HDAC9: variants seen among roughly 807,000 people sequenced by gnomAD.
The protein encoded by HDAC9 is MEF-2 interacting transcription repressor (MITR) protein.
Under a neutral mutation model 139.4 loss-of-function variants are expected in HDAC9, and 41 were observed. The ratio of observed to expected loss-of-function variants is 0.29; its 90% CI spans 0.23 to 0.38. The LOEUF (loss-of-function observed/expected upper bound fraction) is 0.38. Ranked by LOEUF, HDAC9 falls within the 10% of genes least tolerant of loss-of-function variation. The probability of loss-of-function intolerance (pLI) is 1.00; values close to 1 mark genes in which losing one functional copy is unlikely to be tolerated. For synonymous variants in HDAC9, 517 were observed against 476.2 expected (o/e 1.09, Z -1.12); for missense variants, 1,147 against 1,297.0 (o/e 0.88, Z 1.78).
rs146110721 is a variant in HDAC9 at position 18,601,031 on chromosome 7, T to G, written c.664+7002T>G. Among the ~76,000 whole-genome samples the G allele has an allele frequency of 4.3e-3, 662 of 152,272 alleles. 3 individuals carry two copies. The highest frequency in any genetic ancestry group is 0.015 in the African/African-American group (626 of 41,542). On this transcript the variant is annotated intron_variant, in intron 6 of 25. Transcript: ENST00000686413. ...GTTGACCAAGTTACTTACTGGGACT[T>G]TAACTGGGATTATGCTGAATCTAAA...
intron 2 of HDAC9, among the ~76,000 whole-genome samples, chr7:18,507,464 A>T (rs1452181105): frequency 6.6e-6 from 1 of 151,594 alleles, no homozygotes. Context: ...AAGTGCTGGA[A>T]TTACAGGCGT....
rs1785143448 is a variant in HDAC9 at position 18,133,226 on chromosome 7, C to G, written c.-96-29003C>G. Among the ~76,000 whole-genome samples the G allele has an allele frequency of 2.0e-5, 3 of 152,156 alleles. No homozygotes were observed. In the South Asian group the frequency reaches 6.3e-4, roughly 32 times the overall value. Reference sequence around the variant, plus strand: ...ATAGAACAAATTCCACAAAAATTGCCCATGGCATATCAGTAAAATACAGGA... The same window carrying G: ...ATAGAACAAATTCCACAAAAATTGCGCATGGCATATCAGTAAAATACAGGA... On this transcript the variant is annotated intron_variant, in intron 1 of 12. Transcript: ENST00000417496.
At chr7:18,354,189 G>A (rs1028690595) in intron 1 of HDAC9, among the ~76,000 whole-genome samples, 13 of 151,988 alleles carry the variant, frequency 8.6e-5, no homozygotes, top group African/African-American at 3.1e-4. Flanking sequence ...TATACTAAAA[G>A]GACATTTATT....
At chr7:18,321,366 T>A (rs1800019391) in intron 1 of HDAC9, among the ~76,000 whole-genome samples, 1 of 152,236 alleles carries the variant, frequency 6.6e-6, no homozygotes, top group Non-Finnish European at 1.5e-5. Flanking sequence ...GTGTTTTTAA[T>A]ACTTACCATA....
chr7:18,343,690 C>T (rs1168750572), intron 1 of HDAC9, among the ~76,000 whole-genome samples: 1 of 151,820 alleles, frequency 6.6e-6, no homozygotes, highest in Non-Finnish European at 1.5e-5. Flanking sequence ...AACTAGAGAG[C>T]TCTTTTGCCT....
At chr7:18,525,480 ACTT>A (rs1218472969) in intron 2 of HDAC9, among the ~76,000 whole-genome samples, 1 of 152,110 alleles carries the variant, frequency 6.6e-6, no homozygotes, top group African/African-American at 2.4e-5. Context: ...GTTAAACTAT[ACTT>A]CTCTAAATTA....
intron 2 of HDAC9, among the ~76,000 whole-genome samples, chr7:18,540,944 G>C (rs908203799): frequency 2.0e-5 from 3 of 151,980 alleles, no homozygotes; most frequent in Non-Finnish European, 4.4e-5. Flanking sequence ...CTGTTTTATA[G>C]ATAAAGAAAC....
chr7:18,907,626 A>C (rs1481461883), intron 22 of HDAC9, among the ~76,000 whole-genome samples: 1 of 152,232 alleles, frequency 6.6e-6, no homozygotes, highest in East Asian at 1.9e-4. Context: ...CTATAGCTAG[A>C]TAATTCCTTG....
chr7:18,740,338 C>G (rs2129141133), intron 13 of HDAC9, among the ~76,000 whole-genome samples: 1 of 152,294 alleles, frequency 6.6e-6, no homozygotes, highest in Middle Eastern at 3.4e-3. Flanking sequence ...CAGAAATCCC[C>G]CATCTTCTGT....
chr7:18,345,076 T>G (rs1049857038), intron 1 of HDAC9, among the ~76,000 whole-genome samples: 7 of 151,976 alleles, frequency 4.6e-5, no homozygotes, highest in African/African-American at 1.7e-4. Flanking sequence ...TTCACTTATG[T>G]AATGAGTGAA....
At chr7:18,250,749 AG>A (rs1386910475) in intron 2 of HDAC9, among the ~76,000 whole-genome samples, 1 of 152,028 alleles carries the variant, frequency 6.6e-6, no homozygotes, top group Non-Finnish European at 1.5e-5. Context: ...ACAGTGTAAA[AG>A]CATTCCTTTT....
At chr7:18,364,239 A>C (rs969299585) in intron 1 of HDAC9, among the ~76,000 whole-genome samples, 1 of 152,138 alleles carries the variant, frequency 6.6e-6, no homozygotes, top group Admixed American at 6.6e-5. Context: ...TCCCTGTTCT[A>C]ATCTGGCTGT....
At chr7:18,612,732 G>C in intron 6 of HDAC9, among the ~76,000 whole-genome samples, 1 of 152,060 alleles carries the variant, frequency 6.6e-6, no homozygotes, top group Non-Finnish European at 1.5e-5. Flanking sequence ...AAATCCTAGA[G>C]ATGAGTGACA....
chr7:18,625,050 TC>T lies in HDAC9; in HGVS notation c.665-4299del, dbSNP rs550374481. 3.0e-3 allele frequency among the ~76,000 whole-genome samples: 452 copies of T among 152,254 alleles called. 2 individuals are homozygous for T. Among genetic ancestry groups the T allele is most frequent in the Non-Finnish European group, 5.4e-3 (364 of 68,010 alleles). The stretch of plus-strand genomic sequence containing the variant: ...ATTTTCAAAACCTTATGTCCTCAGA[TC>T]ATCACAATGCCTCAAATGTTATCCT... On this transcript the variant is annotated intron_variant, in intron 6 of 25. Transcript: ENST00000686413.
At chr7:18,904,155 A>G (rs974954945) in intron 22 of HDAC9, among the ~76,000 whole-genome samples, 8 of 152,210 alleles carry the variant, frequency 5.3e-5, no homozygotes, top group Non-Finnish European at 7.3e-5. Context: ...AAGTAGATAA[A>G]GTTTACTTTC....
chr7:18,488,895 C>A (rs963059243), intron 1 of HDAC9, among the ~76,000 whole-genome samples: 1 of 151,858 alleles, frequency 6.6e-6, no homozygotes, highest in Non-Finnish European at 1.5e-5. Flanking sequence ...AAGAACAAGG[C>A]AAAGGAAATG....
chr7:18,952,727 A>G (rs572430516), intron 23 of HDAC9, among the ~76,000 whole-genome samples: 2 of 152,028 alleles, frequency 1.3e-5, no homozygotes, highest in Non-Finnish European at 2.9e-5. Context: ...TGAAGATACA[A>G]TTTGAAATAC....
chr7:18,537,148 C>T (rs2128598605), intron 2 of HDAC9, among the ~76,000 whole-genome samples: 1 of 152,272 alleles, frequency 6.6e-6, no homozygotes, highest in East Asian at 1.9e-4. Flanking sequence ...AAATTGTCTC[C>T]ATGCTTCTCC....
chr7:18,324,125 T>C (rs1270760190), intron 1 of HDAC9, among the ~76,000 whole-genome samples: 2 of 152,048 alleles, frequency 1.3e-5, no homozygotes, highest in African/African-American at 4.8e-5. Flanking sequence ...TGGGGGCACA[T>C]AGACATTCAA....
Sources: allele counts gnomAD v4.1 joint callset (sites outside exome capture counted in the v4.1 genomes callset), GRCh38; gene constraint gnomAD v4.1.1; transcripts MANE v1.5; gene names NCBI Gene and HGNC (gene_info 2026-07-23, HGNC 2026-07-21).